PTPRG: variants seen among roughly 807,000 people sequenced by gnomAD.
PTPRG encodes protein tyrosine phosphatase receptor type G, also known as receptor-type tyrosine-protein phosphatase gamma.
A neutral mutation model predicts 165.3 loss-of-function variants in PTPRG; 102 were observed. That is an observed-to-expected ratio of 0.62 (90% CI 0.53 to 0.73). The LOEUF (loss-of-function observed/expected upper bound fraction) is 0.73. PTPRG is among the 30% of genes least tolerant of loss of function. The pLI is 0.00. For synonymous variants in PTPRG, 675 were observed against 669.5 expected, an observed-to-expected ratio of 1.01 and a Z score of -0.13; for missense variants, 1,866 against 1,861.4, an observed-to-expected ratio of 1.00 and a Z score of -0.05.
intron 1 of PTPRG, among the ~76,000 whole-genome samples, chr3:61,740,710 C>T (rs959855761): frequency 6.6e-6 from 1 of 151,824 alleles, no homozygotes; most frequent in Non-Finnish European, 1.5e-5. Context: ...TCCTCTTTCC[C>T]TTGAATTGCC....
At chr3:62,286,004 T>A (rs1162688058) in intron 28 of PTPRG, among the ~76,000 whole-genome samples, 1 of 152,214 alleles carries the variant, frequency 6.6e-6, no homozygotes, top group Non-Finnish European at 1.5e-5. Context: ...ACATGACATG[T>A]GATAACATCA....
intron 8 of PTPRG, among the ~76,000 whole-genome samples, chr3:62,176,571 G>T (rs1487209399): frequency 6.6e-6 from 1 of 152,134 alleles, no homozygotes. Flanking sequence ...TTGTGGGAAT[G>T]AGGTGCTCTT....
At chr3:62,099,980 G>T (rs765928936) in intron 5 of PTPRG, among the ~76,000 whole-genome samples, 2 of 151,756 alleles carry the variant, frequency 1.3e-5, no homozygotes, top group Admixed American at 6.6e-5. Flanking sequence ...TGTATTTTTA[G>T]TAGAGACAGG....
intron 2 of PTPRG, among the ~76,000 whole-genome samples, chr3:61,916,815 C>A (rs1329239210): frequency 2.0e-5 from 3 of 152,152 alleles, no homozygotes; most frequent in African/African-American, 4.8e-5. Context: ...GTTAAGCAAA[C>A]TGGTATATGG....
At chr3:62,155,955 T>C (rs536925871) in intron 6 of PTPRG, among the ~76,000 whole-genome samples, 8 of 152,244 alleles carry the variant, frequency 5.3e-5, no homozygotes, top group East Asian at 3.9e-4. Flanking sequence ...AGTAGTCTTA[T>C]TGCATCTCCA....
At chr3:61,591,761 C>T (rs1228433371) in intron 1 of PTPRG, among the ~76,000 whole-genome samples, 1 of 152,068 alleles carries the variant, frequency 6.6e-6, no homozygotes, top group Non-Finnish European at 1.5e-5. Flanking sequence ...GGGTTGGGGA[C>T]ATGGGCTTTG....
chr3:61,992,585 TCTCGGCTCACTGCAAC>T, intron 3 of PTPRG, among the ~76,000 whole-genome samples: 1 of 151,822 alleles, frequency 6.6e-6, no homozygotes. Context: ...ATTGGTGCAA[TCTCGGCTCACTGCAAC>T]CTCCGCCTCC....
chr3:62,030,224 G>T (rs1313203303), intron 4 of PTPRG, among the ~76,000 whole-genome samples: 5 of 148,598 alleles, frequency 3.4e-5, no homozygotes, highest in Admixed American at 1.3e-4. Flanking sequence ...ACTTAAGTCA[G>T]TTCCTGCGTT....
At chr3:61,938,421 A>G (rs2039532691) in intron 2 of PTPRG, among the ~76,000 whole-genome samples, 3 of 152,170 alleles carry the variant, frequency 2.0e-5, no homozygotes, top group Middle Eastern at 3.4e-3. Flanking sequence ...TGCCTCATAC[A>G]TTTCCCTGGA....
chr3:62,285,883 T>C (rs1326350267), intron 28 of PTPRG, among the ~76,000 whole-genome samples: 1 of 152,184 alleles, frequency 6.6e-6, no homozygotes, highest in African/African-American at 2.4e-5. Flanking sequence ...TTACTCACTC[T>C]GGAGATACAT....
At chr3:61,747,576 A>G (rs1396416832) in intron 1 of PTPRG, among the ~76,000 whole-genome samples, 2 of 152,210 alleles carry the variant, frequency 1.3e-5, no homozygotes, top group South Asian at 4.1e-4. Flanking sequence ...TTCAAGCATT[A>G]CATCTTTTAA....
chr3:62,203,217 C>T lies in PTPRG; in HGVS notation c.1422C>T (p.Ser474=). 1 of 1,612,000 alleles carries T rather than the reference C, an allele frequency of 6.2e-7. No homozygotes were observed. Among genetic ancestry groups the T allele is most frequent in the Non-Finnish European group, 8.5e-7 (1 of 1,178,778 alleles). The change falls in exon 12 of 30, where the codon AGC becomes AGT. Residue 474 remains serine (S), a synonymous_variant. Coordinates refer to ENST00000474889, the MANE Select transcript of PTPRG (RefSeq NM_002841.4). The surrounding 1 kb of genome is among the most constrained non-coding windows in gnomAD (Gnocchi z 6.4). The part of the protein sequence containing the change: ...PASSADMAPI[S]SGSSTWTSSG... ...CTTCAGCCGACATGGCCCCCATCAGCTCGGGGTCTTCTACCTGGACGTCCT... is the reference window on the plus strand; with the variant it reads ...CTTCAGCCGACATGGCCCCCATCAGTTCGGGGTCTTCTACCTGGACGTCCT...
chr3:62,268,872 CAG>C (rs1397426749), intron 19 of PTPRG, among the ~76,000 whole-genome samples, 161 bp from the exon 20 acceptor site: 2 of 152,204 alleles, frequency 1.3e-5, no homozygotes, highest in Non-Finnish European at 2.9e-5. Flanking sequence ...TCAGCCTTGT[CAG>C]AGGTCACACC....
chr3:61,740,798 A>G (rs1405716683), intron 1 of PTPRG, among the ~76,000 whole-genome samples: 1 of 152,152 alleles, frequency 6.6e-6, no homozygotes, highest in African/African-American at 2.4e-5. Context: ...TAAGGTGATG[A>G]AAAAAACTTT....
chr3:62,256,543 A>C (rs1302397802), intron 16 of PTPRG, among the ~76,000 whole-genome samples: 4 of 152,232 alleles, frequency 2.6e-5, no homozygotes, highest in African/African-American at 7.2e-5. Context: ...TTCAACTACA[A>C]AGAACATGGT....
chr3:61,789,620 T>G (rs1273404065), intron 2 of PTPRG, among the ~76,000 whole-genome samples: 3 of 152,226 alleles, frequency 2.0e-5, no homozygotes, highest in Non-Finnish European at 4.4e-5. Flanking sequence ...ATTCAGTACT[T>G]TATATGGATA....
At chr3:61,953,219 A>G (rs1183418607) in intron 2 of PTPRG, among the ~76,000 whole-genome samples, 1 of 152,124 alleles carries the variant, frequency 6.6e-6, no homozygotes, top group African/African-American at 2.4e-5. Context: ...CACTTCCTTC[A>G]GGAGGCTTTT....
chr3:61,675,192 A>AT (rs1441603867), intron 1 of PTPRG, among the ~76,000 whole-genome samples: 4 of 152,202 alleles, frequency 2.6e-5, no homozygotes, highest in Non-Finnish European at 4.4e-5. Flanking sequence ...TGATATTTCC[A>AT]TATATCTCTA....
At chr3:61,566,542 C>G (rs953480783) in intron 1 of PTPRG, among the ~76,000 whole-genome samples, 1 of 152,184 alleles carries the variant, frequency 6.6e-6, no homozygotes, top group Non-Finnish European at 1.5e-5. Context: ...GAGTCTCACT[C>G]TGTCACCCAG....
Sources: allele counts gnomAD v4.1 joint callset (sites outside exome capture counted in the v4.1 genomes callset), GRCh38; gene constraint gnomAD v4.1.1; non-coding constraint Gnocchi (gnomAD v3.1); transcripts MANE v1.5; gene names NCBI Gene and HGNC (gene_info 2026-07-23, HGNC 2026-07-21).